The following E2F7 variants were observed in gnomAD, a reference collection of about 807,000 sequenced individuals.
E2F7 encodes the protein transcription factor E2F7.
In E2F7, 35 loss-of-function variants were observed where a neutral mutation model predicts 81.1. The ratio of observed to expected loss-of-function variants is 0.43; its 90% CI spans 0.33 to 0.57. The LOEUF is 0.57. E2F7 is among the 20% of genes least tolerant of loss of function. The pLI is 0.04. For synonymous variants in E2F7, 416 were observed against 416.2 expected (o/e 1.00, Z 0.01); for missense variants, 961 against 1,093.7 (o/e 0.88, Z 1.71).
chr12:77,053,144 A>G (rs1458628478), intron 3 of E2F7, among the ~76,000 whole-genome samples: 1 of 152,200 alleles, frequency 6.6e-6, no homozygotes, highest in Non-Finnish European at 1.5e-5. Flanking sequence ...CACCTATACT[A>G]GTAGGTATGT....
At chr12:77,047,034 C>G (rs1188914427) in intron 4 of E2F7, among the ~76,000 whole-genome samples, 2 of 152,168 alleles carry the variant, frequency 1.3e-5, no homozygotes, top group African/African-American at 4.8e-5. Context: ...TTCTCATTCA[C>G]CGTAACCCGG....
At chr12:77,027,238 A>ATATTTTTAAAATCTGGCATCTG (rs1954767288) in intron 11 of E2F7, among the ~76,000 whole-genome samples, 1 of 152,218 alleles carries the variant, frequency 6.6e-6, no homozygotes, top group Non-Finnish European at 1.5e-5. Flanking sequence ...TACAAAGTAC[A>ATATTTTTAAAATCTGGCATCTG]TATTTTTAAA....
intron 2 of E2F7, among the ~76,000 whole-genome samples, chr12:77,058,384 G>A (rs1266610255): frequency 6.6e-6 from 1 of 152,184 alleles, no homozygotes; most frequent in Non-Finnish European, 1.5e-5. Context: ...ACCTCATTCA[G>A]TGTAAAATCA....
At chr12:77,054,336 C>CA (rs1436226076) in intron 3 of E2F7, among the ~76,000 whole-genome samples, 4 of 150,502 alleles carry the variant, frequency 2.7e-5, no homozygotes, top group East Asian at 4.0e-4. Flanking sequence ...AATACACACA[C>CA]ACAAAAAAAT....
rs754738203 is a variant in E2F7, at chr12:77,046,313, C to T, written c.554G>A (p.Arg185His). Residue 185 changes from arginine (R) to histidine (H), a missense_variant, in exon 5 of 13, where the codon CGC becomes CAC. Around this residue, in one of 3 missense-constraint regions of E2F7, gnomAD observed 301 missense variants for 405.0 expected, o/e 0.74. Transcript: ENST00000322886. ...VAVSLGVERR[R>H]IYDIVNVLES... ...CAGCACATTTACAATGTCATAGATGCGTCTCCTTTCCACACCTGTTTGAAA... is the reference window on the plus strand; with the variant it reads ...CAGCACATTTACAATGTCATAGATGTGTCTCCTTTCCACACCTGTTTGAAA... 6.2e-7 allele frequency: 1 copy of T among 1,613,116 alleles called. No individual in the cohort carries two copies. Among genetic ancestry groups the T allele is most frequent in the Non-Finnish European group, 8.5e-7 (1 of 1,179,314 alleles).
At chr12:77,047,556 C>G (rs1271740453) in intron 4 of E2F7, among the ~76,000 whole-genome samples, 1 of 152,208 alleles carries the variant, frequency 6.6e-6, no homozygotes, top group Non-Finnish European at 1.5e-5. Flanking sequence ...TACAAAGAAG[C>G]CTTCTTTCAT....
At chr12:77,052,137 T>A (rs1029656386) in intron 3 of E2F7, among the ~76,000 whole-genome samples, 4 of 152,202 alleles carry the variant, frequency 2.6e-5, no homozygotes, top group African/African-American at 9.7e-5. Flanking sequence ...TTTTAAAGAA[T>A]ACTTAAAATT....
At chr12:77,044,183 T>C (rs1420513061) in intron 6 of E2F7, 1 of 408,058 alleles carries the variant, frequency 2.5e-6, no homozygotes, top group Non-Finnish European at 4.9e-6. Context: ...GGTGTGATAC[T>C]TGGAAACTCT....
intron 11 of E2F7, 121 bp from the exon 12 acceptor site, chr12:77,026,103 C>T: frequency 8.3e-7 from 1 of 1,200,068 alleles, no homozygotes; most frequent in Admixed American, 2.8e-5. Flanking sequence ...ATGATGAGAC[C>T]TTCCCCCAGC....
intron 12 of E2F7, among the ~76,000 whole-genome samples, chr12:77,024,433 G>A (rs1053669837): frequency 1.3e-5 from 2 of 152,296 alleles, no homozygotes; most frequent in South Asian, 2.1e-4. Flanking sequence ...TGGAGCCAGG[G>A]ACTGGGCTCT....
intron 4 of E2F7, 72 bp from the exon 5 acceptor site, chr12:77,046,400 G>T: frequency 1.3e-6 from 2 of 1,499,740 alleles, no homozygotes; most frequent in Non-Finnish European, 8.9e-7. Context: ...TTGAGGGCCT[G>T]GACTATATCT....
At chr12:77,059,382 C>T (rs1955060333) in intron 2 of E2F7, among the ~76,000 whole-genome samples, 1 of 152,106 alleles carries the variant, frequency 6.6e-6, no homozygotes, top group Non-Finnish European at 1.5e-5. Context: ...GATTTGTGTC[C>T]CAGCTGTTTG....
chr12:77,027,282 T>C (rs1357903612), intron 11 of E2F7, among the ~76,000 whole-genome samples: 1 of 152,208 alleles, frequency 6.6e-6, no homozygotes, highest in Non-Finnish European at 1.5e-5. Flanking sequence ...TAATACAAAA[T>C]AGTAACAGCA....
intron 4 of E2F7, among the ~76,000 whole-genome samples, chr12:77,047,806 C>T (rs1369937422): frequency 6.6e-6 from 1 of 152,202 alleles, no homozygotes; most frequent in Non-Finnish European, 1.5e-5. Context: ...CCGGAAGGTG[C>T]TGGCAGGAGC....
chr12:77,051,918 G>T (rs1272947531), intron 3 of E2F7, among the ~76,000 whole-genome samples: 1 of 152,110 alleles, frequency 6.6e-6, no homozygotes, highest in Non-Finnish European at 1.5e-5. Context: ...AAACTCAAAA[G>T]AATTTCAGAC....
chr12:77,035,635 A>G (rs990269749), intron 7 of E2F7, among the ~76,000 whole-genome samples: 1 of 152,228 alleles, frequency 6.6e-6, no homozygotes, highest in Non-Finnish European at 1.5e-5. Context: ...AAGCTCAAGA[A>G]CATTTTTAGG....
chr12:77,030,214 C>T lies in E2F7; in HGVS notation c.1501G>A (p.Val501Ile), dbSNP rs768037140. 4 of 1,614,114 alleles carry T rather than the reference C, an allele frequency of 2.5e-6. No homozygotes were observed. In the East Asian group the frequency reaches 6.7e-5, roughly 27 times the overall value. Residue 501 changes from valine (V) to isoleucine (I), a missense_variant, in exon 10 of 13, where the codon GTA becomes ATA. This residue lies in a region of E2F7 where 587 missense variants were observed against 620.3 expected (regional missense o/e 0.95). Transcript: ENST00000322886. ...AGGTCCGTCTGAGCAACAGAAAATA[C>T]TGGGTGGGCTAAAGGATTAACACAA... ...EYCVNPLAHP[V>I]FSVAQTDLQA... is the part of the protein sequence containing the mutation.
At position 77,029,032 on chromosome 12, in the gene E2F7, G is replaced by A. The variant is rs191288668; in HGVS notation, c.1884+799C>T. 9.9e-4 allele frequency among the ~76,000 whole-genome samples: 151 copies of A among 152,376 alleles called. 1 individual carries two copies. Among genetic ancestry groups the A allele is most frequent in the African/African-American group, 3.5e-3 (145 of 41,592 alleles). On this transcript the variant is annotated intron_variant, in intron 10 of 12. Coordinates refer to ENST00000322886, the MANE Select transcript of E2F7 (RefSeq NM_203394.3). ...TGAGCTAGTAACACACATAAAGGGTGTTGATACTAGTCTTTTCGGGTCTTA... is the reference window on the plus strand; with the variant it reads ...TGAGCTAGTAACACACATAAAGGGTATTGATACTAGTCTTTTCGGGTCTTA...
In E2F7 at chr12:77,044,926, A is replaced by T; in HGVS notation, c.830-131T>A. ...TCACCCTTGTCATTGGCAGAAGCTT[A>T]CTGGATACACATCACAGAAGTCAGC... is the stretch of plus-strand genomic sequence containing the variant. On this transcript the variant is annotated intron_variant, in intron 5 of 12. Coordinates refer to ENST00000322886, the MANE Select transcript of E2F7 (RefSeq NM_203394.3). 2.9e-6 allele frequency: 3 copies of T among 1,043,954 alleles called. No individual in the cohort carries two copies. In the African/African-American group the frequency reaches 4.8e-5, roughly 17 times the overall value. 64.7% of individuals were successfully genotyped at this position (1,043,954 alleles called of 1,614,324 possible). A position where few individuals can be genotyped will look rare whatever the true frequency, so the allele number is the denominator to read the frequency against.
Sources: gnomAD v4.1 joint callset for allele counts (sites outside exome capture counted in the v4.1 genomes callset) on GRCh38, gnomAD v4.1.1 for gene constraint, gnomAD v4.1.1 regional missense constraint, MANE v1.5 for transcripts, NCBI Gene and HGNC (gene_info 2026-07-23, HGNC 2026-07-21) for gene names.